Variants in SYT10 observed in about 807,000 individuals in gnomAD.
The protein encoded by SYT10 is synaptotagmin 10.
SYT10 carries 31 observed loss-of-function variants against 51.1 expected under a neutral mutation model. The ratio of observed to expected loss-of-function variants is 0.61; its 90% confidence interval spans 0.46 to 0.82. The LOEUF (loss-of-function observed/expected upper bound fraction) is 0.82. Among genes scored for constraint, SYT10 ranks in the 40% least tolerant of loss-of-function variants. The probability of loss-of-function intolerance (pLI) is 0.00; values close to 1 mark genes in which losing one functional copy is unlikely to be tolerated. For missense variants in SYT10, 603 were observed against 634.0 expected (o/e 0.95, Z 0.53); for synonymous variants, 233 against 225.9 (o/e 1.03, Z -0.28).
At chr12:33,416,569 C>T (rs1006586294) in intron 2 of SYT10, among the ~76,000 whole-genome samples, 1 of 152,164 alleles carries the variant, frequency 6.6e-6, no homozygotes, top group Non-Finnish European at 1.5e-5. Flanking sequence ...TTCCGACAAT[C>T]TAAGTGTTTC....
intron 1 of SYT10, among the ~76,000 whole-genome samples, chr12:33,434,578 C>T (rs775141982): frequency 4.3e-4 from 65 of 152,170 alleles, no homozygotes; most frequent in Admixed American, 3.3e-4. Flanking sequence ...CAGAAGTGGG[C>T]GGATCACCTG....
At chr12:33,424,203 A>G (rs1866529770) in intron 2 of SYT10, among the ~76,000 whole-genome samples, 1 of 152,210 alleles carries the variant, frequency 6.6e-6, no homozygotes, top group Non-Finnish European at 1.5e-5. Context: ...AGAAATTCAT[A>G]GCTAGCAAAA....
chr12:33,387,230 A>T (rs1379987417), intron 3 of SYT10, among the ~76,000 whole-genome samples: 1 of 152,186 alleles, frequency 6.6e-6, no homozygotes, highest in Non-Finnish European at 1.5e-5. Context: ...AGTCGTACAG[A>T]CCAGTAATTC....
Position 33,407,144 on chromosome 12 carries a change from T to C in SYT10, c.722A>G (p.Tyr241Cys). ...ICGKLNFTLQ[Y>C]DYENELLVVK... ...AACTAGAAGTTCATTTTCATAATCA[T>C]ACTGGAGGGTAAAGTTAAGTTTCCC... The change falls in exon 3 of 7, where the codon TAT (tyrosine) becomes TGT (cysteine). Residue 241 changes from tyrosine to cysteine, a missense_variant. By Grantham distance (194) the Tyr-to-Cys change is radical. Transcript: ENST00000228567. 6.2e-7 allele frequency: 1 copy of C among 1,614,158 alleles called. No individual in the cohort carries two copies. The highest frequency in any genetic ancestry group is 1.3e-5 in the African/African-American group (1 of 75,036).
intron 2 of SYT10, among the ~76,000 whole-genome samples, chr12:33,425,103 A>G (rs1375211586): frequency 6.6e-6 from 1 of 152,170 alleles, no homozygotes; most frequent in African/African-American, 2.4e-5. Flanking sequence ...AATTCTAGTA[A>G]CCAATATGAC....
intron 4 of SYT10, among the ~76,000 whole-genome samples, chr12:33,384,664 A>C (rs992123967): frequency 2.6e-5 from 4 of 152,224 alleles, no homozygotes; most frequent in Admixed American, 6.5e-5. Context: ...AATCTTCAAG[A>C]AGCATTAATT....
chr12:33,427,670 T>C (rs1866564057), intron 1 of SYT10, among the ~76,000 whole-genome samples: 1 of 152,236 alleles, frequency 6.6e-6, no homozygotes, highest in African/African-American at 2.4e-5. Context: ...CCATAGCAAT[T>C]ATGACTAATC....
chr12:33,407,323 T>G lies in SYT10; in HGVS notation c.543A>C (p.Gln181His). ...TAAAATCAACACTGGAAACCTGCAT[T>G]TGCCTCGGCAGGTGTCTTCGGAAGG... ...HSSFRRHLPRQMQVSSVDFSM... is the reference protein window; with the variant it reads ...HSSFRRHLPRHMQVSSVDFSM... Residue 181 changes from glutamine (Q) to histidine (H), a missense_variant, in exon 3 of 7, where the codon CAA becomes CAC. Coordinates refer to ENST00000228567, the MANE Select transcript of SYT10 (RefSeq NM_198992.4). 1 of 1,608,366 alleles carries G rather than the reference T, an allele frequency of 6.2e-7. No homozygotes were observed. Among genetic ancestry groups the G allele is most frequent in the Non-Finnish European group, 8.5e-7 (1 of 1,179,978 alleles).
chr12:33,411,510 A>T (rs1369342081), intron 2 of SYT10, among the ~76,000 whole-genome samples: 2 of 141,148 alleles, frequency 1.4e-5, no homozygotes, highest in Non-Finnish European at 2.9e-5. Flanking sequence ...TGAAAATAAC[A>T]ACAAAGTAAA....
At chr12:33,379,580 A>AAAAAAAAAATT (rs1565489643) in intron 6 of SYT10, among the ~76,000 whole-genome samples, 2 of 115,326 alleles carry the variant, frequency 1.7e-5, no homozygotes, top group African/African-American at 4.2e-5. Context: ...AAAAAAAAAA[A>AAAAAAAAAATT]GAGACTTGCA....
chr12:33,380,357 G>A (rs956115639), intron 5 of SYT10, among the ~76,000 whole-genome samples: 1 of 152,118 alleles, frequency 6.6e-6, no homozygotes, highest in African/African-American at 2.4e-5. Context: ...TTATAACGAT[G>A]TTTAGATTTC....
At chr12:33,393,370 A>G (rs551470689) in intron 3 of SYT10, among the ~76,000 whole-genome samples, 1 of 152,274 alleles carries the variant, frequency 6.6e-6, no homozygotes, top group African/African-American at 2.4e-5. Context: ...TTCCATCATC[A>G]TTTACAGATA....
intron 1 of SYT10, among the ~76,000 whole-genome samples, 200 bp downstream of exon 1, chr12:33,439,172 G>T (rs1338812008): frequency 2.0e-5 from 3 of 152,266 alleles, no homozygotes; most frequent in Non-Finnish European, 4.4e-5. Flanking sequence ...AGCCCGGCAG[G>T]TGGACAGGAG....
chr12:33,391,162 C>G (rs1007027795), intron 3 of SYT10, among the ~76,000 whole-genome samples: 1 of 152,204 alleles, frequency 6.6e-6, no homozygotes, highest in African/African-American at 2.4e-5. Flanking sequence ...GTCTTGAACT[C>G]CTGACTTCAG....
intron 3 of SYT10, among the ~76,000 whole-genome samples, chr12:33,400,540 C>A (rs1239965038): frequency 6.6e-6 from 1 of 150,464 alleles, no homozygotes; most frequent in Non-Finnish European, 1.5e-5. Flanking sequence ...AACTTCCTTA[C>A]TTGCAAGAAT....
chr12:33,385,254 C>CA lies in SYT10; in HGVS notation c.1114dup (p.Cys372LeufsTer15). ...CATACGCCCAGCCGTCGGTAGGTAA[C>CA]AAAGGGAAAACATGATTTCACCCAG... On this transcript the variant is annotated frameshift_variant, in exon 4 of 7. Coordinates refer to ENST00000228567, the MANE Select transcript of SYT10 (RefSeq NM_198992.4). LOFTEE classifies it high-confidence loss of function. The CA allele has an allele frequency of 6.2e-7, 1 of 1,613,572 alleles. No individual in the cohort carries two copies. The highest frequency in any genetic ancestry group is 8.5e-7 in the Non-Finnish European group (1 of 1,179,746).
intron 5 of SYT10, among the ~76,000 whole-genome samples, chr12:33,382,134 C>G (rs1866120541): frequency 6.6e-6 from 1 of 152,200 alleles, no homozygotes; most frequent in African/African-American, 2.4e-5. Context: ...CCCATTCTTT[C>G]ACCAGTCCCC....
At chr12:33,432,359 T>C (rs544961884) in intron 1 of SYT10, 1 of 152,196 alleles carries the variant, frequency 6.6e-6, no homozygotes, top group South Asian at 2.1e-4. Context: ...ATGCTCATAA[T>C]TGAGTAAATT....
chr12:33,409,867 T>C lies in SYT10; in HGVS notation c.510-2511A>G, dbSNP rs1323554722. On this transcript the variant is annotated intron_variant, in intron 2 of 6. Coordinates refer to ENST00000228567, the MANE Select transcript of SYT10 (RefSeq NM_198992.4). ...AACCTAGAAAGGAGAAGTTGAAGAATAGGGTAAAGATGGATTAAGGCTAGC... is the reference window on the plus strand; with the variant it reads ...AACCTAGAAAGGAGAAGTTGAAGAACAGGGTAAAGATGGATTAAGGCTAGC... Among the ~76,000 whole-genome samples, 16 of 152,050 alleles carry C rather than the reference T, an allele frequency of 1.1e-4. 1 individual carries two copies. In the East Asian group the frequency reaches 2.9e-3, roughly 28 times the overall value.
Sources: allele counts gnomAD v4.1 joint callset (sites outside exome capture counted in the v4.1 genomes callset), GRCh38; gene constraint gnomAD v4.1.1; transcripts MANE v1.5; gene names NCBI Gene and HGNC (gene_info 2026-07-23, HGNC 2026-07-21).